Variants in ZBTB20 observed in about 807,000 individuals in gnomAD.
The protein encoded by ZBTB20 is zinc finger and BTB domain-containing protein 20.
ZBTB20 carries 9 observed loss-of-function variants against 56.9 expected under a neutral mutation model. That is an observed-to-expected ratio of 0.16 (90% CI 0.10 to 0.28). The LOEUF is 0.28. Among genes scored for constraint, ZBTB20 ranks in the 10% least tolerant of loss-of-function variants. The pLI, the probability that ZBTB20 is intolerant of heterozygous loss-of-function variation, is 1.00. For synonymous variants in ZBTB20, 417 were observed against 420.7 expected, an observed-to-expected ratio of 0.99 and a Z score of 0.11; for missense variants, 655 against 1,003.0, an observed-to-expected ratio of 0.65 and a Z score of 4.69.
In ZBTB20 at chr3:114,516,439, C is replaced by A. The variant is rs188395883; in HGVS notation, c.-294-16048G>T. ...TACCACATCAATTTCCATATAGAAT[C>A]ATAAATCTATACGTTATTTTGAGAA... On this transcript the variant is annotated intron_variant, in intron 6 of 11. Coordinates refer to ENST00000675478, the MANE Select transcript of ZBTB20 (RefSeq NM_001348800.3). Among the ~76,000 whole-genome samples, 771 of 152,222 alleles carry A rather than the reference C, an allele frequency of 5.1e-3. 5 individuals carry two copies. Among genetic ancestry groups the A allele is most frequent in the Admixed American group, 7.0e-3 (107 of 15,292 alleles).
chr3:114,752,013 G>T (rs1201026423), intron 5 of ZBTB20, among the ~76,000 whole-genome samples: 1 of 152,240 alleles, frequency 6.6e-6, no homozygotes, highest in East Asian at 1.9e-4. Flanking sequence ...AATAATACTA[G>T]TAATCACCAA....
chr3:114,449,862 C>T (rs1400897823), intron 7 of ZBTB20, among the ~76,000 whole-genome samples: 1 of 152,080 alleles, frequency 6.6e-6, no homozygotes, highest in Non-Finnish European at 1.5e-5. Flanking sequence ...CTCGTATCCC[C>T]AAATTTATGC....
intron 1 of ZBTB20, among the ~76,000 whole-genome samples, chr3:115,141,853 A>G (rs576335867): frequency 5.9e-5 from 9 of 152,330 alleles, no homozygotes; most frequent in Non-Finnish European, 1.0e-4. Flanking sequence ...TATGAATATT[A>G]ATAAACTTAG....
intron 6 of ZBTB20, among the ~76,000 whole-genome samples, chr3:114,582,833 A>G (rs1200544440): frequency 1.3e-5 from 2 of 152,226 alleles, no homozygotes; most frequent in African/African-American, 2.4e-5. Flanking sequence ...TTCACAGCCA[A>G]ACATGCCTAC....
At chr3:114,822,457 C>T (rs2073307386) in intron 4 of ZBTB20, among the ~76,000 whole-genome samples, 2 of 151,802 alleles carry the variant, frequency 1.3e-5, no homozygotes, top group South Asian at 4.1e-4. Flanking sequence ...CAGGAAATGC[C>T]GCTAGTTCCA....
chr3:114,813,587 C>CA (rs2072709987), intron 4 of ZBTB20, among the ~76,000 whole-genome samples: 1 of 152,012 alleles, frequency 6.6e-6, no homozygotes, highest in South Asian at 2.1e-4. Flanking sequence ...CCTGTCTGTA[C>CA]AGAAAATGCA....
At chr3:114,941,498 C>T (rs978892528) in intron 3 of ZBTB20, among the ~76,000 whole-genome samples, 1 of 146,138 alleles carries the variant, frequency 6.8e-6, no homozygotes, top group Non-Finnish European at 1.5e-5. Flanking sequence ...CCAACCATAA[C>T]AGACACCTGG....
chr3:114,614,318 T>A (rs2057769122), intron 6 of ZBTB20, among the ~76,000 whole-genome samples: 1 of 152,230 alleles, frequency 6.6e-6, no homozygotes, highest in South Asian at 2.1e-4. Flanking sequence ...GAGATTTGGC[T>A]CTTACAGATT....
chr3:114,665,010 T>G (rs2060965953), intron 6 of ZBTB20, among the ~76,000 whole-genome samples: 1 of 152,088 alleles, frequency 6.6e-6, no homozygotes, highest in Non-Finnish European at 1.5e-5. Context: ...GAAACTTTTC[T>G]GAGCAAGGAA....
At chr3:114,979,220 G>A (rs1394681542) in intron 2 of ZBTB20, among the ~76,000 whole-genome samples, 2 of 151,896 alleles carry the variant, frequency 1.3e-5, no homozygotes, top group African/African-American at 4.8e-5. Context: ...TTTATACTGT[G>A]AACATACTTT....
chr3:114,588,161 G>A (rs972720259), intron 6 of ZBTB20, among the ~76,000 whole-genome samples: 5 of 152,074 alleles, frequency 3.3e-5, no homozygotes, highest in African/African-American at 9.7e-5. Flanking sequence ...GGGAAGGGGC[G>A]GACAGCTTTC....
At chr3:114,695,219 C>T (rs938451768) in intron 5 of ZBTB20, among the ~76,000 whole-genome samples, 3 of 151,884 alleles carry the variant, frequency 2.0e-5, no homozygotes, top group South Asian at 2.1e-4. Flanking sequence ...ATGAAAAATT[C>T]GAAACTGTTT....
chr3:114,891,764 C>A (rs2076817864), intron 4 of ZBTB20, among the ~76,000 whole-genome samples: 1 of 152,002 alleles, frequency 6.6e-6, no homozygotes, highest in Non-Finnish European at 1.5e-5. Flanking sequence ...TTTAAAAATC[C>A]AGCCAGGCGT....
intron 1 of ZBTB20, among the ~76,000 whole-genome samples, chr3:115,135,543 T>C (rs2084630763): frequency 6.6e-6 from 1 of 152,210 alleles, no homozygotes; most frequent in Non-Finnish European, 1.5e-5. Context: ...CAGGACTTAA[T>C]TATCTTTTGT....
intron 6 of ZBTB20, among the ~76,000 whole-genome samples, chr3:114,641,462 T>C (rs1330334946): frequency 6.6e-6 from 1 of 151,760 alleles, no homozygotes; most frequent in Non-Finnish European, 1.5e-5. Flanking sequence ...CTTATATAGA[T>C]ATAAGAATAA....
At chr3:115,033,756 C>A (rs944117005) in intron 2 of ZBTB20, among the ~76,000 whole-genome samples, 2 of 151,662 alleles carry the variant, frequency 1.3e-5, no homozygotes, top group South Asian at 2.1e-4. Context: ...TTACATGAGG[C>A]CTGTATTACC....
At chr3:114,471,290 G>A (rs1031924606) in intron 7 of ZBTB20, among the ~76,000 whole-genome samples, 14 of 152,174 alleles carry the variant, frequency 9.2e-5, no homozygotes, top group African/African-American at 3.4e-4. Context: ...CATTTTGCGT[G>A]TGAGAAAACA....
intron 5 of ZBTB20, among the ~76,000 whole-genome samples, chr3:114,720,910 C>G (rs1034501128): frequency 7.2e-5 from 11 of 152,092 alleles, no homozygotes; most frequent in African/African-American, 2.7e-4. Flanking sequence ...GAGAGAAAAT[C>G]ATCACTGATA....
At chr3:114,978,330 A>AAT (rs1372706773) in intron 2 of ZBTB20, among the ~76,000 whole-genome samples, 1 of 149,184 alleles carries the variant, frequency 6.7e-6, no homozygotes, top group Non-Finnish European at 1.5e-5. Context: ...TATTAATTCT[A>AAT]ATACCTATAA....
Sources: allele counts gnomAD v4.1 joint callset (sites outside exome capture counted in the v4.1 genomes callset), GRCh38; gene constraint gnomAD v4.1.1; transcripts MANE v1.5; gene names NCBI Gene and HGNC (gene_info 2026-07-23, HGNC 2026-07-21).